Variants in METTL9 observed in about 807,000 individuals in gnomAD.
METTL9 encodes methyltransferase 9, His-X-His N1(pi)-histidine, also known as protein-L-histidine N-pros-methyltransferase.
A neutral mutation model predicts 36.0 loss-of-function variants in METTL9; 10 were observed. That is an observed-to-expected ratio of 0.28 (90% CI 0.17 to 0.47). METTL9 has a LOEUF of 0.47. Among genes scored for constraint, METTL9 ranks in the 20% least tolerant of loss-of-function variants. METTL9 has a pLI of 0.99. For missense variants in METTL9, 246 were observed against 383.5 expected (o/e 0.64, Z 3.00); for synonymous variants, 175 against 149.7 (o/e 1.17, Z -1.23).
chr16:21,624,047 G>A (rs1317342597), intron 3 of METTL9, among the ~76,000 whole-genome samples: 1 of 152,146 alleles, frequency 6.6e-6, no homozygotes, highest in Non-Finnish European at 1.5e-5. Flanking sequence ...AGGATTACAG[G>A]CGTGAGCCAC....
intron 4 of METTL9, among the ~76,000 whole-genome samples, chr16:21,643,920 A>G (rs970412736): frequency 6.6e-6 from 1 of 152,050 alleles, no homozygotes; most frequent in African/African-American, 2.4e-5. Flanking sequence ...TCATCAACCC[A>G]TTTTTGTTCT....
chr16:21,646,040 ATC>A (rs1341577944), intron 4 of METTL9, among the ~76,000 whole-genome samples: 2 of 152,172 alleles, frequency 1.3e-5, no homozygotes, highest in Admixed American at 1.3e-4. Context: ...TGTTTTAACA[ATC>A]TCTGCTCATC....
At chr16:21,655,168 T>A (rs902857735) in intron 4 of METTL9, 59 bp from the exon 5 acceptor site, 5 of 1,506,794 alleles carry the variant, frequency 3.3e-6, no homozygotes, top group Middle Eastern at 1.8e-4. Context: ...CCTCCCTGCT[T>A]CCCTCTTTAA....
intron 2 of METTL9, 84 bp from the exon 3 acceptor site, chr16:21,617,781 A>T: frequency 8.5e-7 from 1 of 1,173,338 alleles, no homozygotes; most frequent in Non-Finnish European, 1.3e-6. Flanking sequence ...GTTGGTGCTG[A>T]GTCACTATAT....
At position 21,599,763 on chromosome 16, in the gene METTL9, G is replaced by T; in HGVS notation, c.30G>T (p.Leu10=). The change falls in exon 1 of 5, where the codon CTG becomes CTT. Residue 10 remains leucine (L), a synonymous_variant. Coordinates refer to ENST00000358154, the MANE Select transcript of METTL9 (RefSeq NM_016025.5). The surrounding 1 kb of genome is among the most constrained non-coding windows in gnomAD (Gnocchi z 4.4). MRLLAGWLC[L]SLASVWLARR... ...GACTGCTGGCGGGCTGGCTGTGCCT[G>T]AGCCTGGCGTCCGTGTGGCTGGCGC... 6.5e-7 allele frequency: 1 copy of T among 1,538,702 alleles called. No individual in the cohort carries two copies.
At chr16:21,643,741 A>G (rs1461519022) in intron 4 of METTL9, 2 of 597,716 alleles carry the variant, frequency 3.3e-6, no homozygotes, top group African/African-American at 3.7e-5. Context: ...CATTTTTGAG[A>G]TGCTTTTACT....
At chr16:21,619,587 A>ATTTTTTTTTTTTT (rs35728063) in intron 3 of METTL9, among the ~76,000 whole-genome samples, 30 of 124,214 alleles carry the variant, frequency 2.4e-4, no homozygotes, top group Non-Finnish European at 3.3e-4. Flanking sequence ...TGCCCGGCTA[A>ATTTTTTTTTTTTT]TTTTTTTTTT....
chr16:21,648,512 C>T (rs2141621085), intron 4 of METTL9, among the ~76,000 whole-genome samples: 1 of 152,290 alleles, frequency 6.6e-6, no homozygotes, highest in Middle Eastern at 3.4e-3. Context: ...GACGTCTAGC[C>T]ACAAGGTGTT....
chr16:21,641,099 C>T (rs1056408094), intron 4 of METTL9: 2 of 153,678 alleles, frequency 1.3e-5, no homozygotes, highest in Admixed American at 1.3e-4. Context: ...AGGTGCTTTT[C>T]AAAATGAATG....
chr16:21,645,733 A>G (rs186897528), intron 4 of METTL9, among the ~76,000 whole-genome samples: 506 of 152,264 alleles, frequency 3.3e-3, no homozygotes, highest in African/African-American at 0.011. Flanking sequence ...TTTGACTAAC[A>G]TGTTTTTAGA....
At chr16:21,654,958 G>GATAACA (rs1191023473) in intron 4 of METTL9, 4 of 471,882 alleles carry the variant, frequency 8.5e-6, no homozygotes, top group African/African-American at 7.7e-5. Flanking sequence ...TAACAGTGTG[G>GATAACA]GGCCTTGGAT....
At chr16:21,605,080 C>G (rs577733282) in intron 1 of METTL9, among the ~76,000 whole-genome samples, 1 of 151,958 alleles carries the variant, frequency 6.6e-6, no homozygotes, top group Non-Finnish European at 1.5e-5. Context: ...ACTTTACATA[C>G]AGAAAAGTGA....
intron 4 of METTL9, among the ~76,000 whole-genome samples, chr16:21,649,638 C>A (rs1031606335): frequency 1.3e-5 from 2 of 152,214 alleles, no homozygotes; most frequent in African/African-American, 2.4e-5. Flanking sequence ...AGTCTCAAGT[C>A]ATCTTTCAGA....
At chr16:21,625,216 T>C (rs1965791682) in intron 4 of METTL9, 101 bp downstream of exon 4, 1 of 1,303,042 alleles carries the variant, frequency 7.7e-7, no homozygotes, top group Non-Finnish European at 1.1e-6. Context: ...GTATGTCTTA[T>C]AATAGCCTGC....
In METTL9 at chr16:21,657,376, G is replaced by C. The variant is rs1373285079; in HGVS notation, c.*1944G>C. On this transcript the variant is annotated 3_prime_UTR_variant, in exon 5 of 5. Transcript: ENST00000358154. ...TGGTGTGTCACCATTCCACTAGATG[G>C]CAGTGTTGCTTACTGAGTGTCAATG... is the stretch of plus-strand genomic sequence containing the variant. 1.3e-5 allele frequency: 2 copies of C among 152,018 alleles called. No homozygotes were observed. Among genetic ancestry groups the C allele is most frequent in the African/African-American group, 4.8e-5 (2 of 41,366 alleles). 9.4% of individuals were successfully genotyped at this position (152,018 alleles called of 1,614,324 possible). A position where few individuals can be genotyped will look rare whatever the true frequency, so the allele number is the denominator to read the frequency against.
At chr16:21,606,918 A>G (rs1328421643) in intron 1 of METTL9, among the ~76,000 whole-genome samples, 3 of 151,836 alleles carry the variant, frequency 2.0e-5, no homozygotes, top group Non-Finnish European at 4.4e-5. Flanking sequence ...ATGTTTGATT[A>G]GTTGATAAAC....
chr16:21,608,709 A>G (rs1033239959), intron 1 of METTL9, among the ~76,000 whole-genome samples: 4 of 152,166 alleles, frequency 2.6e-5, no homozygotes, highest in African/African-American at 9.7e-5. Context: ...AACATCCTAC[A>G]ATGTGCAGGT....
chr16:21,621,070 A>C (rs915774678), intron 3 of METTL9, among the ~76,000 whole-genome samples: 9 of 152,002 alleles, frequency 5.9e-5, no homozygotes, highest in Non-Finnish European at 1.2e-4. Flanking sequence ...TCCGGGCTCA[A>C]GTGATCCTCT....
intron 3 of METTL9, among the ~76,000 whole-genome samples, chr16:21,619,653 G>T (rs1965645661): frequency 6.7e-6 from 1 of 149,512 alleles, no homozygotes; most frequent in African/African-American, 2.5e-5. Flanking sequence ...GGCCAGGCTG[G>T]TCTCAAACTG....
Sources: gnomAD v4.1 joint callset for allele counts (sites outside exome capture counted in the v4.1 genomes callset) on GRCh38, gnomAD v4.1.1 for gene constraint, Gnocchi (gnomAD v3.1) non-coding constraint, MANE v1.5 for transcripts, NCBI Gene and HGNC (gene_info 2026-07-23, HGNC 2026-07-21) for gene names.